The following LIMS2 variants were observed in gnomAD, a reference collection of about 807,000 sequenced individuals.
LIMS2 encodes the protein LIM zinc finger domain containing 2, also known as LIM and senescent cell antigen-like-containing domain protein 2.
In LIMS2, 30 loss-of-function variants were observed where a neutral mutation model predicts 45.3. That is an observed-to-expected ratio of 0.66 (90% confidence interval 0.50 to 0.90). The LOEUF is 0.90. LIMS2 is among the 40% of genes least tolerant of loss of function. The pLI, the probability that LIMS2 is intolerant of heterozygous loss-of-function variation, is 0.00. For synonymous variants in LIMS2, 173 were observed against 188.0 expected, an observed-to-expected ratio of 0.92 and a Z score of 0.65; for missense variants, 485 against 468.7, an observed-to-expected ratio of 1.03 and a Z score of -0.32.
At chr2:127,661,901 C>A (rs1285531678) in intron 1 of LIMS2, among the ~76,000 whole-genome samples, 1 of 152,196 alleles carries the variant, frequency 6.6e-6, no homozygotes, top group African/African-American at 2.4e-5. Context: ...CTCCCATCTC[C>A]TCTTGGCATC....
At chr2:127,639,943 G>T in intron 9 of LIMS2, 127 bp downstream of exon 9, 3 of 998,040 alleles carry the variant, frequency 3.0e-6, no homozygotes, top group South Asian at 1.5e-5. Context: ...GTATAAGGCC[G>T]GGCTGCCCCT....
chr2:127,641,864 C>T, intron 6 of LIMS2, 185 bp downstream of exon 6: 1 of 617,088 alleles, frequency 1.6e-6, no homozygotes, highest in Non-Finnish European at 2.7e-6. Flanking sequence ...GGTCTCCTGG[C>T]TCCCGTGGGC....
chr2:127,651,707 C>G lies in LIMS2; in HGVS notation c.359+2717G>C, dbSNP rs141862770. 1.9e-6 allele frequency: 3 copies of G among 1,612,976 alleles called. No individual in the cohort carries two copies. In the African/African-American group the frequency reaches 4.0e-5, roughly 22 times the overall value. On this transcript the variant is annotated intron_variant, in intron 4 of 9. Transcript: ENST00000355119. ...GGCTCAAGGGCCCGCCCCCCAGCTT[C>G]GAAGGGAAAACCAACGAGAGCTCGC...
At chr2:127,645,209 G>A (rs1007398811) in intron 4 of LIMS2, among the ~76,000 whole-genome samples, 1 of 152,136 alleles carries the variant, frequency 6.6e-6, no homozygotes, top group Non-Finnish European at 1.5e-5. Context: ...TCTGTAAAAT[G>A]GGGCAATAAT....
chr2:127,662,808 AAAG>A (rs547309375), intron 1 of LIMS2, among the ~76,000 whole-genome samples: 4 of 152,206 alleles, frequency 2.6e-5, no homozygotes, highest in African/African-American at 7.2e-5. Context: ...ATAAAATAAA[AAAG>A]AAAAAATTAA....
At chr2:127,680,149 G>T (rs964228964), upstream of LIMS2, among the ~76,000 whole-genome samples, 7 of 152,150 alleles carry the variant, frequency 4.6e-5, no homozygotes, top group African/African-American at 1.7e-4. Context: ...AGAACCCCCC[G>T]GGGGGGAGCG....
In LIMS2 at chr2:127,642,897, A is replaced by G; in HGVS notation, c.509+26T>C. The G allele has an allele frequency of 6.5e-7, 1 of 1,549,152 alleles. No individual in the cohort carries two copies. Among genetic ancestry groups the G allele is most frequent in the Non-Finnish European group, 8.7e-7 (1 of 1,145,172 alleles). ...CCAGCCCTGGCTCCCCGCCCCCACA[A>G]CTGCAGGGCCGGGCTGCGCACCTAC... On this transcript the variant is annotated intron_variant, in intron 5 of 9. Coordinates refer to ENST00000355119, the MANE Select transcript of LIMS2 (RefSeq NM_001161403.3). This position sits in a 1 kb window ranked among gnomAD's most constrained non-coding sequence, Gnocchi z 5.3.
chr2:127,654,479 A>T lies in LIMS2; in HGVS notation c.304T>A (p.Cys102Ser). 3 of 1,614,138 alleles carry T rather than the reference A, an allele frequency of 1.9e-6. No individual in the cohort carries two copies. Among genetic ancestry groups the T allele is most frequent in the Non-Finnish European group, 2.5e-6 (3 of 1,180,010 alleles). ...NNNWHPGCFR[C>S]ELCDVELADL... ...GCCAGCTCCACATCACACAGCTCGCAGCGGAAGCAGCCCGGGTGCCAGTTG... is the reference window on the plus strand; with the variant it reads ...GCCAGCTCCACATCACACAGCTCGCTGCGGAAGCAGCCCGGGTGCCAGTTG... Residue 102 changes from cysteine to serine, a missense_variant, in exon 4 of 10, where the codon TGC (cysteine) becomes AGC (serine). Transcript: ENST00000355119.
At chr2:127,659,267 C>T (rs1684462458) in intron 1 of LIMS2, among the ~76,000 whole-genome samples, 1 of 152,202 alleles carries the variant, frequency 6.6e-6, no homozygotes. Flanking sequence ...CTTGGCCTGC[C>T]CTCTGGGGTG....
At chr2:127,662,976 C>T (rs1381960944) in intron 1 of LIMS2, among the ~76,000 whole-genome samples, 1 of 152,144 alleles carries the variant, frequency 6.6e-6, no homozygotes, top group Non-Finnish European at 1.5e-5. Flanking sequence ...ACAACTGAAA[C>T]ATGTTACACT....
At chr2:127,644,873 T>A (rs1465462093) in intron 4 of LIMS2, among the ~76,000 whole-genome samples, 1 of 152,160 alleles carries the variant, frequency 6.6e-6, no homozygotes, top group African/African-American at 2.4e-5. Flanking sequence ...GCGCCCCGGC[T>A]CAGACACCTC....
rs769378915 is a variant in LIMS2, at chr2:127,657,500, G to C, written c.74C>G (p.Ala25Gly). 3.7e-6 allele frequency: 6 copies of C among 1,613,230 alleles called. No individual in the cohort carries two copies. The African/African-American group carries it at 4.0e-5, about 11-fold the overall frequency. ...CCCATTGCTGTTGACAATGCGCTCG[G>C]CGGGGGAGAAGCGGGCCTGGCAGCG... is the stretch of plus-strand genomic sequence containing the variant. ...CQRCQARFSP[A>G]ERIVNSNGEL... Residue 25 changes from alanine to glycine, a missense_variant, in exon 2 of 10, where the codon GCC (alanine) becomes GGC (glycine). By Grantham distance (60) the Ala-to-Gly change is moderately conservative (BLOSUM62 0). Coordinates refer to ENST00000355119, the MANE Select transcript of LIMS2 (RefSeq NM_001161403.3).
At position 127,638,846 on chromosome 2, in the gene LIMS2, G is replaced by A; in HGVS notation, c.*435C>T. 5.9e-6 allele frequency: 1 copy of A among 170,676 alleles called. No homozygotes were observed. Among genetic ancestry groups the A allele is most frequent in the Non-Finnish European group, 1.3e-5 (1 of 79,526 alleles). The allele number at this position is 170,676 out of a possible 1,614,324, so 10.6% of individuals were successfully genotyped here. A position where few individuals can be genotyped will look rare whatever the true frequency, so the allele number is the denominator to read the frequency against. On this transcript the variant is annotated 3_prime_UTR_variant, in exon 10 of 10. Transcript: ENST00000355119. ...CCTGGCCCTGTGGCTCCAGCAGGCTGCCCTGGCTGTGGGTAGCCCAGGAGC... is the reference window on the plus strand; with the variant it reads ...CCTGGCCCTGTGGCTCCAGCAGGCTACCCTGGCTGTGGGTAGCCCAGGAGC...
At position 127,650,134 on chromosome 2, in the gene LIMS2, G is replaced by A. The variant is rs527886867; in HGVS notation, c.359+4290C>T. The A allele has an allele frequency of 2.0e-4, 290 of 1,482,092 alleles. 1 individual carries two copies. The highest frequency in any genetic ancestry group is 2.4e-4 in the Non-Finnish European group (256 of 1,079,544). The allele number at this position is 1,482,092 out of a possible 1,614,324, so 91.8% of individuals were successfully genotyped here. ...GGTACAGCCCTTGCTGCCATCCTGGGGGCACCCTCCTAAGTGCCAGGGGCA... is the reference window on the plus strand; with the variant it reads ...GGTACAGCCCTTGCTGCCATCCTGGAGGCACCCTCCTAAGTGCCAGGGGCA... On this transcript the variant is annotated intron_variant, in intron 4 of 9. Transcript: ENST00000355119.
intron 4 of LIMS2, chr2:127,643,479 C>T (rs950035714): frequency 4.4e-6 from 2 of 457,128 alleles, no homozygotes; most frequent in Non-Finnish European, 8.8e-6. Context: ...GTGAGTGTCC[C>T]GGGAGGCCCA....
rs1375749563 is a variant in LIMS2 at position 127,671,803 on chromosome 2, C to T, written c.11+3211G>A. Among the ~76,000 whole-genome samples the T allele has an allele frequency of 6.6e-6, 1 of 152,216 alleles. No homozygotes were observed. The highest frequency in any genetic ancestry group is 1.5e-5 in the Non-Finnish European group (1 of 68,024). On this transcript the variant is annotated intron_variant, in intron 1 of 9. Coordinates refer to ENST00000355119, the MANE Select transcript of LIMS2 (RefSeq NM_001161403.3). The surrounding 1 kb of genome is among the most constrained non-coding windows in gnomAD (Gnocchi z 4.1). ...CTGGCCCAGTCTGGGGCTCAGGGCT[C>T]AGTGGTGCCACATCACAAGCCACAT...
chr2:127,668,371 TA>T (rs998812044), intron 1 of LIMS2, among the ~76,000 whole-genome samples: 2 of 149,966 alleles, frequency 1.3e-5, no homozygotes, highest in African/African-American at 2.5e-5. Context: ...AAAACAACTT[TA>T]AAAAAAAACA....
Position 127,642,471 on chromosome 2 carries a change from C to T in LIMS2, c.510-272G>A, listed in dbSNP as rs1682524885. 1 of 415,652 alleles carries T rather than the reference C, an allele frequency of 2.4e-6. No homozygotes were observed. The highest frequency in any genetic ancestry group is 2.0e-5 in the African/African-American group (1 of 49,598). The allele number at this position is 415,652 out of a possible 1,614,324, so 25.7% of individuals were successfully genotyped here. A position where few individuals can be genotyped will look rare whatever the true frequency, so the allele number is the denominator to read the frequency against. Reference sequence around the variant, plus strand: ...AGGTCTGTTCTTGGGCCCCCCTCCTCCTCCAAACCAGAGGGGGTGTCTGGA... The same window carrying T: ...AGGTCTGTTCTTGGGCCCCCCTCCTTCTCCAAACCAGAGGGGGTGTCTGGA... On this transcript the variant is annotated intron_variant, in intron 5 of 9. Transcript: ENST00000355119. This position sits in a 1 kb window ranked among gnomAD's most constrained non-coding sequence, Gnocchi z 5.3.
chr2:127,675,090 G>A lies in LIMS2; in HGVS notation c.-66C>T, dbSNP rs1196516431. On this transcript the variant is annotated 5_prime_UTR_variant, in exon 1 of 10. Transcript: ENST00000355119. ...CGGGTCTCCCTCTGCTGCTGCAGCC[G>A]CCAGCCGAGCGCCCGCCCGCCAGCC... The A allele has an allele frequency of 3.3e-6, 4 of 1,219,148 alleles. No individual in the cohort carries two copies. The highest frequency in any genetic ancestry group is 6.4e-5 in the East Asian group (2 of 31,352). The allele number at this position is 1,219,148 out of a possible 1,614,324, so 75.5% of individuals were successfully genotyped here.
Sources: gnomAD v4.1 joint callset for allele counts (sites outside exome capture counted in the v4.1 genomes callset) on GRCh38, gnomAD v4.1.1 for gene constraint, Gnocchi (gnomAD v3.1) non-coding constraint, MANE v1.5 for transcripts, NCBI Gene and HGNC (gene_info 2026-07-23, HGNC 2026-07-21) for gene names.